Variants in SLC24A2 observed in about 807,000 individuals in gnomAD.
SLC24A2 encodes the protein solute carrier family 24 member 2, also known as sodium/potassium/calcium exchanger 2.
Under a neutral mutation model 62.0 loss-of-function variants are expected in SLC24A2, and 36 were observed. The ratio of observed to expected loss-of-function variants is 0.58; its 90% CI spans 0.44 to 0.77. SLC24A2 has a LOEUF of 0.77. Among genes scored for constraint, SLC24A2 ranks in the 30% least tolerant of loss-of-function variants. The pLI is 0.00. For missense variants in SLC24A2, 846 were observed against 817.9 expected (o/e 1.03, Z -0.42); for synonymous variants, 358 against 294.0 (o/e 1.22, Z -2.23).
the SLC24A2 span, among the ~76,000 whole-genome samples, chr9:19,945,044 C>G: frequency 6.6e-6 from 1 of 152,186 alleles, no homozygotes; most frequent in Non-Finnish European, 1.5e-5. Context: ...ACATCATACA[C>G]ATCTCATCTG....
the SLC24A2 span, among the ~76,000 whole-genome samples, chr9:20,291,468 T>C: frequency 6.6e-6 from 1 of 152,120 alleles, no homozygotes; most frequent in Non-Finnish European, 1.5e-5. Flanking sequence ...TTTAAGTGGA[T>C]GCAAGAGATG....
At chr9:19,616,384 C>T (rs80079576) in intron 4 of SLC24A2, among the ~76,000 whole-genome samples, 2,633 of 152,098 alleles carry the variant, frequency 0.017, 76 homozygotes, top group African/African-American at 0.061. Flanking sequence ...AACTGAGATA[C>T]GGAAAGATTA....
chr9:19,586,771 C>A (rs1044520843), intron 5 of SLC24A2, among the ~76,000 whole-genome samples: 2 of 152,118 alleles, frequency 1.3e-5, no homozygotes, highest in African/African-American at 4.8e-5. Context: ...TTTTAGATCA[C>A]CTGCTTCATT....
chr9:19,642,113 C>G (rs1211282261), intron 2 of SLC24A2, among the ~76,000 whole-genome samples: 1 of 152,152 alleles, frequency 6.6e-6, no homozygotes, highest in East Asian at 1.9e-4. Flanking sequence ...GAGAGACTGG[C>G]TTGGCTTTGG....
the SLC24A2 span, among the ~76,000 whole-genome samples, chr9:20,162,583 C>T: frequency 1.8e-4 from 28 of 152,008 alleles, no homozygotes; most frequent in Non-Finnish European, 7.4e-5. Context: ...CCTTCTGAAA[C>T]TATTCCAATC....
At chr9:20,029,261 C>A in the SLC24A2 span, among the ~76,000 whole-genome samples, 1 of 152,236 alleles carries the variant, frequency 6.6e-6, no homozygotes, top group Non-Finnish European at 1.5e-5. Context: ...CAGCCTTCCA[C>A]GTCCCAGGCA....
In SLC24A2 at chr9:19,559,508, T is replaced by C. The variant is rs545396106; in HGVS notation, c.1348-9240A>G. 9.8e-5 allele frequency among the ~76,000 whole-genome samples: 15 copies of C among 152,322 alleles called. No individual in the cohort carries two copies. The South Asian group carries it at 2.5e-3, about 25-fold the overall frequency. On this transcript the variant is annotated intron_variant, in intron 7 of 10. Coordinates refer to ENST00000341998, the MANE Select transcript of SLC24A2 (RefSeq NM_020344.4). ...AAAGCTTCTAAGCAGGGGGCAAGAC[T>C]CATAATATTGTGACATCTTAATTCT...
the SLC24A2 span, among the ~76,000 whole-genome samples, chr9:19,820,042 C>CATATATAT: frequency 6.1e-5 from 2 of 32,886 alleles, no homozygotes; most frequent in African/African-American, 1.4e-4. Context: ...TATATATATA[C>CATATATAT]ATATATATAT....
Position 19,575,877 on chromosome 9 carries a change from T to C in SLC24A2, c.1228+1047A>G, listed in dbSNP as rs146785570. On this transcript the variant is annotated intron_variant, in intron 6 of 10. Transcript: ENST00000341998. ...CACAAACAAAACTCAACCTATGCGGTAGACTTTCATGGTGTGGCTTTACAT... is the reference window on the plus strand; with the variant it reads ...CACAAACAAAACTCAACCTATGCGGCAGACTTTCATGGTGTGGCTTTACAT... Among the ~76,000 whole-genome samples, 505 of 152,334 alleles carry C rather than the reference T, an allele frequency of 3.3e-3. 2 individuals are homozygous for C. Among genetic ancestry groups the C allele is most frequent in the Middle Eastern group, 0.02 (6 of 294 alleles).
chr9:20,033,217 G>A, the SLC24A2 span, among the ~76,000 whole-genome samples: 4 of 152,284 alleles, frequency 2.6e-5, no homozygotes, highest in South Asian at 6.2e-4. Flanking sequence ...CTTGAGCAGT[G>A]TAGTAATAGT....
At chr9:20,298,289 G>T in the SLC24A2 span, among the ~76,000 whole-genome samples, 1 of 152,244 alleles carries the variant, frequency 6.6e-6, no homozygotes, top group Non-Finnish European at 1.5e-5. Context: ...GAGTGCAGCA[G>T]AGCTATCTCG....
chr9:19,568,092 C>T lies in SLC24A2; in HGVS notation c.1347+5259G>A, dbSNP rs145654983. On this transcript the variant is annotated intron_variant, in intron 7 of 10. Coordinates refer to ENST00000341998, the MANE Select transcript of SLC24A2 (RefSeq NM_020344.4). ...TTTCCGCTAATAAAGTCAGGATGCGCACCTCACTCTTAACGGAACTTGCTA... is the reference window on the plus strand; with the variant it reads ...TTTCCGCTAATAAAGTCAGGATGCGTACCTCACTCTTAACGGAACTTGCTA... Among the ~76,000 whole-genome samples, 405 of 152,242 alleles carry T rather than the reference C, an allele frequency of 2.7e-3. 1 individual carries two copies. Among genetic ancestry groups the T allele is most frequent in the Middle Eastern group, 0.017 (5 of 294 alleles).
intron 2 of SLC24A2, among the ~76,000 whole-genome samples, chr9:19,768,755 G>C (rs1432622684): frequency 6.6e-6 from 1 of 152,202 alleles, no homozygotes; most frequent in African/African-American, 2.4e-5. Context: ...GACTGTGGTT[G>C]ACCGTGGGTA....
chr9:20,126,581 A>C, the SLC24A2 span, among the ~76,000 whole-genome samples: 1 of 152,176 alleles, frequency 6.6e-6, no homozygotes, highest in Non-Finnish European at 1.5e-5. Context: ...ACAATTGAAC[A>C]TATTTTTCTT....
intron 2 of SLC24A2, among the ~76,000 whole-genome samples, chr9:19,702,645 G>A (rs912214077): frequency 6.6e-6 from 1 of 152,084 alleles, no homozygotes; most frequent in Non-Finnish European, 1.5e-5. Context: ...GTTGGCAGTG[G>A]CTTCCTATAG....
the SLC24A2 span, among the ~76,000 whole-genome samples, chr9:20,012,434 G>A: frequency 2.2e-4 from 33 of 152,212 alleles, no homozygotes; most frequent in African/African-American, 5.8e-4. Flanking sequence ...GGTCCCTCCC[G>A]CAACATGTGG....
At chr9:19,553,647 T>A (rs1452895272) in intron 7 of SLC24A2, among the ~76,000 whole-genome samples, 1 of 152,186 alleles carries the variant, frequency 6.6e-6, no homozygotes, top group Non-Finnish European at 1.5e-5. Context: ...TGGTAGAGAA[T>A]CAGGAATCCT....
the SLC24A2 span, among the ~76,000 whole-genome samples, chr9:20,013,950 T>C: frequency 8.5e-5 from 13 of 152,214 alleles, no homozygotes; most frequent in Non-Finnish European, 1.8e-4. Flanking sequence ...GGTTCATGCC[T>C]GTTATCCTAG....
chr9:20,079,063 A>G, the SLC24A2 span, among the ~76,000 whole-genome samples: 7 of 143,296 alleles, frequency 4.9e-5, no homozygotes, highest in African/African-American at 1.7e-4. Flanking sequence ...ACCTTGAGAT[A>G]AGATCATCCT....
Sources: allele counts gnomAD v4.1 joint callset (sites outside exome capture counted in the v4.1 genomes callset), GRCh38; gene constraint gnomAD v4.1.1; transcripts MANE v1.5; gene names NCBI Gene and HGNC (gene_info 2026-07-23, HGNC 2026-07-21).